Variants in LEPR observed in about 807,000 individuals in gnomAD.
The protein encoded by LEPR is OB receptor.
A neutral mutation model predicts 114.7 loss-of-function variants in LEPR; 56 were observed. The observed-to-expected ratio is 0.49, with a 90% CI of 0.39 to 0.61. The LOEUF (loss-of-function observed/expected upper bound fraction) is 0.61, where lower values mean the gene tolerates loss of function less well. LEPR is among the 20% of genes least tolerant of loss of function. The pLI is 0.00. For synonymous variants in LEPR, 443 were observed against 461.4 expected, an observed-to-expected ratio of 0.96 and a Z score of 0.51; for missense variants, 1,202 against 1,352.9, an observed-to-expected ratio of 0.89 and a Z score of 1.75.
intron 4 of LEPR, among the ~76,000 whole-genome samples, chr1:65,571,311 A>T (rs1013521538): frequency 6.6e-6 from 1 of 152,298 alleles, no homozygotes; most frequent in African/African-American, 2.4e-5. Context: ...TAACCTGCAC[A>T]TCCTGCACAT....
In LEPR at chr1:65,576,768, G is replaced by A. The variant is rs549990266; in HGVS notation, c.494+4319G>A. The A allele has an allele frequency of 4.3e-5, 9 of 211,500 alleles. 1 individual carries two copies. The highest frequency in any genetic ancestry group is 4.2e-4 in the South Asian group (5 of 11,890). 13.1% of individuals were successfully genotyped at this position (211,500 alleles called of 1,614,324 possible). On this transcript the variant is annotated intron_variant, in intron 5 of 19. Coordinates refer to ENST00000349533, the MANE Select transcript of LEPR (RefSeq NM_002303.6). Reference sequence around the variant, plus strand: ...CAAAAAGTTGTGTTCATGGCATCCCGGCCTTCAGGAGATCCATATGGTCCC... The same window carrying A: ...CAAAAAGTTGTGTTCATGGCATCCCAGCCTTCAGGAGATCCATATGGTCCC...
chr1:65,573,402 A>G (rs2100818192), intron 5 of LEPR, among the ~76,000 whole-genome samples: 1 of 152,274 alleles, frequency 6.6e-6, no homozygotes, highest in African/African-American at 2.4e-5. Context: ...TGCGTTTTAT[A>G]TTTCTTTTTC....
In LEPR at chr1:65,637,122, A is replaced by T. The variant is rs1658745496; in HGVS notation, c.*107A>T. On this transcript the variant is annotated 3_prime_UTR_variant, in exon 20 of 20. Transcript: ENST00000349533. Reference sequence around the variant, plus strand: ...AAAGAAACCAGAGTCAAATTTGAAAATAATTGTTCCAAATGAATGTTGTCT... The same window carrying T: ...AAAGAAACCAGAGTCAAATTTGAAATTAATTGTTCCAAATGAATGTTGTCT... 2 of 1,254,844 alleles carry T rather than the reference A, an allele frequency of 1.6e-6. No individual in the cohort carries two copies. Among genetic ancestry groups the T allele is most frequent in the Non-Finnish European group, 2.2e-6 (2 of 904,470 alleles). The allele number at this position is 1,254,844 out of a possible 1,614,324, so 77.7% of individuals were successfully genotyped here.
chr1:65,612,026 C>G (rs1025276537), intron 14 of LEPR, among the ~76,000 whole-genome samples: 1 of 152,124 alleles, frequency 6.6e-6, no homozygotes, highest in Non-Finnish European at 1.5e-5. Context: ...ATTTGCCTTT[C>G]ATTAATTTTG....
At chr1:65,579,441 G>C (rs1654829668) in intron 5 of LEPR, among the ~76,000 whole-genome samples, 2 of 152,200 alleles carry the variant, frequency 1.3e-5, no homozygotes, top group South Asian at 4.1e-4. Context: ...CATGAAAAGA[G>C]CACAGGGTTG....
intron 11 of LEPR, among the ~76,000 whole-genome samples, chr1:65,607,174 T>C (rs774973397): frequency 2.6e-5 from 4 of 152,162 alleles, no homozygotes; most frequent in Non-Finnish European, 5.9e-5. Context: ...TTGGCCTTAG[T>C]TATGGTTTGG....
chr1:65,620,597 T>A (rs889967632), intron 17 of LEPR, among the ~76,000 whole-genome samples: 3 of 152,134 alleles, frequency 2.0e-5, no homozygotes, highest in Admixed American at 6.6e-5. Context: ...TGTGGCACTT[T>A]AGTTGATAGC....
chr1:65,636,160 A>T, intron 19 of LEPR, 31 bp from the exon 20 acceptor site: 1 of 1,612,882 alleles, frequency 6.2e-7, no homozygotes, highest in Non-Finnish European at 8.5e-7. Flanking sequence ...TTTTAACATA[A>T]TTGAGCCTTA....
intron 2 of LEPR, among the ~76,000 whole-genome samples, chr1:65,539,422 A>G (rs1433806972): frequency 6.6e-6 from 1 of 152,166 alleles, no homozygotes; most frequent in Non-Finnish European, 1.5e-5. Context: ...ACTTCTGTGC[A>G]TATGGGCAGT....
At chr1:65,487,187 G>A (rs1647536104) in intron 2 of LEPR, among the ~76,000 whole-genome samples, 1 of 152,136 alleles carries the variant, frequency 6.6e-6, no homozygotes, top group African/African-American at 2.4e-5. Context: ...ACTACTGTAT[G>A]TGAATGGACT....
chr1:65,452,258 A>C (rs1022160313), intron 2 of LEPR, among the ~76,000 whole-genome samples: 1 of 152,002 alleles, frequency 6.6e-6, no homozygotes, highest in Non-Finnish European at 1.5e-5. Context: ...TTCCTAATTG[A>C]ATACCCTTTA....
intron 7 of LEPR, among the ~76,000 whole-genome samples, 168 bp from the exon 8 acceptor site, chr1:65,598,492 G>A (rs1202403845): frequency 6.6e-6 from 1 of 152,020 alleles, no homozygotes; most frequent in African/African-American, 2.4e-5. Context: ...TGACTAATGT[G>A]CAAACTTTTT....
intron 2 of LEPR, among the ~76,000 whole-genome samples, chr1:65,436,734 C>A (rs1327588930): frequency 6.6e-6 from 1 of 152,196 alleles, no homozygotes; most frequent in Non-Finnish European, 1.5e-5. Context: ...TTGATTATAT[C>A]TTTATCAAAA....
intron 2 of LEPR, among the ~76,000 whole-genome samples, chr1:65,553,960 C>A (rs980411135): frequency 6.6e-6 from 1 of 152,176 alleles, no homozygotes; most frequent in Admixed American, 6.5e-5. Flanking sequence ...ACCAGTCAGG[C>A]CCTTCTGCTG....
intron 10 of LEPR, among the ~76,000 whole-genome samples, chr1:65,604,020 G>A (rs1656639387): frequency 6.6e-6 from 1 of 151,970 alleles, no homozygotes; most frequent in African/African-American, 2.4e-5. Context: ...CAAAGTGTGA[G>A]GAATTTGCCT....
chr1:65,491,583 A>G (rs1029946655), intron 2 of LEPR, among the ~76,000 whole-genome samples: 2 of 152,080 alleles, frequency 1.3e-5, no homozygotes, highest in Non-Finnish European at 2.9e-5. Flanking sequence ...TTGTCTTTTA[A>G]GGGAAAGCGC....
chr1:65,621,271 A>G, intron 17 of LEPR, 82 bp from the exon 18 acceptor site: 1 of 1,169,252 alleles, frequency 8.6e-7, no homozygotes, highest in South Asian at 1.3e-5. Flanking sequence ...AATTCAGAAA[A>G]TGTCTACTAT....
chr1:65,441,476 C>T (rs757729865), intron 2 of LEPR, among the ~76,000 whole-genome samples: 2 of 152,170 alleles, frequency 1.3e-5, no homozygotes, highest in Non-Finnish European at 2.9e-5. Context: ...GACTGTATTC[C>T]TTTAATTCAT....
intron 2 of LEPR, among the ~76,000 whole-genome samples, chr1:65,540,047 A>C (rs952546327): frequency 1.3e-5 from 2 of 152,044 alleles, no homozygotes; most frequent in African/African-American, 4.8e-5. Context: ...TTTGTTAGTC[A>C]CTCTCCTGAC....
Sources: allele counts gnomAD v4.1 joint callset (sites outside exome capture counted in the v4.1 genomes callset), GRCh38; gene constraint gnomAD v4.1.1; transcripts MANE v1.5; gene names NCBI Gene and HGNC (gene_info 2026-07-23, HGNC 2026-07-21).